Variants in TMEM131 observed in about 807,000 individuals in gnomAD.
The protein encoded by TMEM131 is transmembrane protein 131.
A neutral mutation model predicts 211.6 loss-of-function variants in TMEM131; 66 were observed. The ratio of observed to expected loss-of-function variants is 0.31; its 90% confidence interval spans 0.26 to 0.38. The LOEUF is 0.38. Among genes scored for constraint, TMEM131 ranks in the 10% least tolerant of loss-of-function variants. The pLI, the probability that TMEM131 is intolerant of heterozygous loss-of-function variation, is 1.00. For synonymous variants in TMEM131, 844 were observed against 841.3 expected (o/e 1.00, Z -0.06); for missense variants, 2,036 against 2,299.3 (o/e 0.89, Z 2.34).
At chr2:97,838,694 C>T (rs542624596) in intron 7 of TMEM131, among the ~76,000 whole-genome samples, 2 of 152,184 alleles carry the variant, frequency 1.3e-5, no homozygotes, top group East Asian at 1.9e-4. Context: ...CCACCCATCT[C>T]GGCCTCCCAA....
In TMEM131 at chr2:97,814,271, A is replaced by G. The variant is rs1362789500; in HGVS notation, c.1410T>C (p.Asp470=). ...TTTTGGCTTCTTCTGGTAGCAACAC[A>G]TCGTGAATGAGGATCGCAAAACTGA... ...NTFSFAILIH[D]VLLPEEAKTM... Residue 470 remains aspartate (D), a synonymous_variant, in exon 14 of 41, where the codon GAT becomes GAC. Coordinates refer to ENST00000186436, the MANE Select transcript of TMEM131 (RefSeq NM_015348.2). The G allele has an allele frequency of 3.7e-6, 6 of 1,613,946 alleles. No individual in the cohort carries two copies. Among genetic ancestry groups the G allele is most frequent in the East Asian group, 4.5e-5 (2 of 44,866 alleles).
chr2:97,851,832 G>A (rs1673638567), intron 5 of TMEM131, among the ~76,000 whole-genome samples: 1 of 152,104 alleles, frequency 6.6e-6, no homozygotes, highest in Non-Finnish European at 1.5e-5. Flanking sequence ...CTATTCCTAA[G>A]ATACAATAAT....
chr2:97,834,618 T>A lies in TMEM131; in HGVS notation c.1012+3A>T. The stretch of plus-strand genomic sequence containing the variant: ...TAAAGACTCTTTTAAAAGATTTTTT[T>A]ACCTTGTGTTCTTAGTGTACCAAAA... On this transcript the variant is annotated splice_donor_region_variant and intron_variant, in intron 10 of 40. Transcript: ENST00000186436. 1.3e-6 allele frequency: 2 copies of A among 1,527,718 alleles called. No individual in the cohort carries two copies. The highest frequency in any genetic ancestry group is 8.8e-7 in the Non-Finnish European group (1 of 1,142,832). 94.6% of individuals were successfully genotyped at this position (1,527,718 alleles called of 1,614,324 possible). A position where few individuals can be genotyped will look rare whatever the true frequency, so the allele number is the denominator to read the frequency against.
At chr2:97,923,240 C>T (rs369195891) in intron 2 of TMEM131, among the ~76,000 whole-genome samples, 9 of 152,266 alleles carry the variant, frequency 5.9e-5, no homozygotes, top group African/African-American at 2.2e-4. Flanking sequence ...AGATTGCTCA[C>T]TGCACTCCAG....
chr2:97,973,702 G>A (rs1188256197), intron 1 of TMEM131, among the ~76,000 whole-genome samples: 1 of 152,094 alleles, frequency 6.6e-6, no homozygotes, highest in Non-Finnish European at 1.5e-5. Context: ...CATTCAAACA[G>A]GGTCAGAAAC....
At chr2:97,858,939 A>AGT (rs1673956730) in intron 5 of TMEM131, among the ~76,000 whole-genome samples, 2 of 152,226 alleles carry the variant, frequency 1.3e-5, no homozygotes, top group Non-Finnish European at 2.9e-5. Flanking sequence ...AGTTTACAGA[A>AGT]CTGTGTGCTA....
chr2:97,784,594 T>C (rs928750382), intron 31 of TMEM131, among the ~76,000 whole-genome samples: 7 of 151,822 alleles, frequency 4.6e-5, no homozygotes, highest in Non-Finnish European at 7.4e-5. Context: ...GGGACATCAA[T>C]AAAGCAGGGG....
intron 7 of TMEM131, among the ~76,000 whole-genome samples, chr2:97,839,244 T>C (rs1298711875): frequency 6.6e-6 from 1 of 152,004 alleles, no homozygotes; most frequent in Non-Finnish European, 1.5e-5. Flanking sequence ...AAAGGATTGG[T>C]TGAGCCTGGG....
chr2:97,842,080 C>G (rs1325405770), intron 6 of TMEM131, 143 bp from the exon 7 acceptor site: 3 of 796,184 alleles, frequency 3.8e-6, no homozygotes, highest in Non-Finnish European at 5.3e-6. Context: ...AAAACCCCCA[C>G]AAATGTTGTT....
At chr2:97,771,398 T>G (rs1679456093) in intron 33 of TMEM131, among the ~76,000 whole-genome samples, 1 of 152,100 alleles carries the variant, frequency 6.6e-6, no homozygotes, top group Non-Finnish European at 1.5e-5. Flanking sequence ...GTTAGTGGTG[T>G]TTTTGCAAAA....
At chr2:97,949,956 C>T (rs1272688015) in intron 1 of TMEM131, among the ~76,000 whole-genome samples, 1 of 151,902 alleles carries the variant, frequency 6.6e-6, no homozygotes. Flanking sequence ...GGCCTTACTC[C>T]AAAATTGCAA....
chr2:97,981,941 C>G (rs1267516969), intron 1 of TMEM131, among the ~76,000 whole-genome samples: 1 of 152,200 alleles, frequency 6.6e-6, no homozygotes, highest in Non-Finnish European at 1.5e-5. Flanking sequence ...ATTCTTCAAA[C>G]ATTTCAGTTG....
intron 11 of TMEM131, 45 bp from the exon 12 acceptor site, chr2:97,818,766 A>G (rs903113729): frequency 1.5e-6 from 2 of 1,292,406 alleles, no homozygotes; most frequent in Admixed American, 2.0e-5. Context: ...TTTCAGACTA[A>G]TGGTTCAGTT....
At chr2:97,779,181 C>T (rs895386292) in intron 31 of TMEM131, among the ~76,000 whole-genome samples, 1 of 152,194 alleles carries the variant, frequency 6.6e-6, no homozygotes, top group African/African-American at 2.4e-5. Flanking sequence ...ATGGTATCAA[C>T]ATCAATCCAA....
Position 97,925,188 on chromosome 2 carries a change from T to C in TMEM131, c.249+2238A>G, listed in dbSNP as rs569006745. Reference sequence around the variant, plus strand: ...TGTCCACCCCTGCCTCTATTTTTTTTAAAAAGAAAGTTAGATTAGGAAGCA... The same window carrying C: ...TGTCCACCCCTGCCTCTATTTTTTTCAAAAAGAAAGTTAGATTAGGAAGCA... On this transcript the variant is annotated intron_variant, in intron 2 of 40. Transcript: ENST00000186436. Among the ~76,000 whole-genome samples, 78 of 152,242 alleles carry C rather than the reference T, an allele frequency of 5.1e-4. 1 individual carries two copies. The highest frequency in any genetic ancestry group is 1.8e-3 in the African/African-American group (74 of 41,534).
At chr2:97,811,332 C>T (rs1681539974) in intron 17 of TMEM131, 100 bp from the exon 18 acceptor site, 2 of 814,400 alleles carry the variant, frequency 2.5e-6, no homozygotes, top group Admixed American at 1.8e-5. Flanking sequence ...CTAACAAATC[C>T]TAACATATAC....
At chr2:97,824,390 T>C (rs1682276078) in intron 11 of TMEM131, among the ~76,000 whole-genome samples, 1 of 152,210 alleles carries the variant, frequency 6.6e-6, no homozygotes. Context: ...GCCTTCTCAG[T>C]GTTAATCTCC....
chr2:97,780,812 A>G (rs1679958510), intron 31 of TMEM131, among the ~76,000 whole-genome samples: 1 of 152,204 alleles, frequency 6.6e-6, no homozygotes, highest in Admixed American at 6.5e-5. Flanking sequence ...ATAAAAATTA[A>G]CCCATCTAAA....
chr2:97,783,034 T>C (rs1238412722), intron 31 of TMEM131, among the ~76,000 whole-genome samples: 2 of 148,484 alleles, frequency 1.3e-5, no homozygotes, highest in Non-Finnish European at 1.5e-5. Flanking sequence ...AGATGCATTA[T>C]AATCAAACTT....
Sources: allele counts gnomAD v4.1 joint callset (sites outside exome capture counted in the v4.1 genomes callset), GRCh38; gene constraint gnomAD v4.1.1; transcripts MANE v1.5; gene names NCBI Gene and HGNC (gene_info 2026-07-23, HGNC 2026-07-21).